PCDH9: variants seen among roughly 807,000 people sequenced by gnomAD.
The protein encoded by PCDH9 is protocadherin 9.
In PCDH9, 24 loss-of-function variants were observed where a neutral mutation model predicts 70.6. That is an observed-to-expected ratio of 0.34 (90% CI 0.25 to 0.48). The LOEUF (loss-of-function observed/expected upper bound fraction) is 0.48. PCDH9 is among the 20% of genes least tolerant of loss of function. The probability of loss-of-function intolerance (pLI) is 0.99; values close to 1 mark genes in which losing one functional copy is unlikely to be tolerated. For synonymous variants in PCDH9, 562 were observed against 558.5 expected, an observed-to-expected ratio of 1.01 and a Z score of -0.09; for missense variants, 1,281 against 1,503.6, an observed-to-expected ratio of 0.85 and a Z score of 2.45.
At chr13:66,458,531 C>T (rs1022461966) in intron 4 of PCDH9, among the ~76,000 whole-genome samples, 3 of 151,990 alleles carry the variant, frequency 2.0e-5, no homozygotes, top group Non-Finnish European at 4.4e-5. Flanking sequence ...CTGCTTTCTT[C>T]ACTTTCCTAC....
At chr13:66,982,559 C>CAA (rs2083796599) in intron 2 of PCDH9, among the ~76,000 whole-genome samples, 1 of 151,926 alleles carries the variant, frequency 6.6e-6, no homozygotes, top group Middle Eastern at 3.2e-3. Flanking sequence ...GTCTTCAAGC[C>CAA]CTACCTACCC....
At chr13:66,809,337 T>C (rs1002033297) in intron 3 of PCDH9, among the ~76,000 whole-genome samples, 5 of 152,222 alleles carry the variant, frequency 3.3e-5, no homozygotes, top group African/African-American at 1.2e-4. Flanking sequence ...TTACCTTTTA[T>C]AGAAAATTTT....
At chr13:66,459,086 G>A (rs866798648) in intron 4 of PCDH9, among the ~76,000 whole-genome samples, 11 of 151,922 alleles carry the variant, frequency 7.2e-5, no homozygotes, top group African/African-American at 1.9e-4. Flanking sequence ...AAATAAGAAC[G>A]TGTTCCACTG....
chr13:66,877,185 C>T (rs1385919528), intron 3 of PCDH9, among the ~76,000 whole-genome samples: 2 of 151,812 alleles, frequency 1.3e-5, no homozygotes, highest in Non-Finnish European at 2.9e-5. Context: ...TAATACTAGA[C>T]ATGGTCTTCA....
At chr13:66,757,636 A>C (rs1381328522) in intron 3 of PCDH9, among the ~76,000 whole-genome samples, 1 of 152,130 alleles carries the variant, frequency 6.6e-6, no homozygotes, top group Non-Finnish European at 1.5e-5. Flanking sequence ...ATAGAGCCAA[A>C]CATATATAAA....
intron 3 of PCDH9, among the ~76,000 whole-genome samples, chr13:66,718,217 A>G (rs2078896357): frequency 2.0e-5 from 3 of 152,182 alleles, no homozygotes; most frequent in Admixed American, 6.5e-5. Flanking sequence ...GTTAGAATTC[A>G]TATTTGCTAA....
At chr13:66,759,048 T>G (rs1046530918) in intron 3 of PCDH9, among the ~76,000 whole-genome samples, 1 of 152,048 alleles carries the variant, frequency 6.6e-6, no homozygotes, top group African/African-American at 2.4e-5. Flanking sequence ...GTCAATTTAG[T>G]TGACCTCCTC....
intron 2 of PCDH9, among the ~76,000 whole-genome samples, chr13:66,988,485 G>A (rs963957305): frequency 6.6e-6 from 1 of 151,934 alleles, no homozygotes; most frequent in Non-Finnish European, 1.5e-5. Context: ...AGTTGGACAA[G>A]GTGTTACATT....
At chr13:66,679,415 G>A (rs73497774) in intron 3 of PCDH9, among the ~76,000 whole-genome samples, 3,458 of 151,858 alleles carry the variant, frequency 0.023, 157 homozygotes, top group African/African-American at 0.08. Context: ...TTGTAATAGT[G>A]CACACACCCA....
intron 1 of PCDH9, among the ~76,000 whole-genome samples, chr13:67,229,384 A>G (rs540760406): frequency 1.3e-5 from 2 of 152,348 alleles, no homozygotes; most frequent in South Asian, 4.1e-4. Context: ...AATATTTTCT[A>G]CTGAACATAA....
At chr13:67,224,150 A>ATGT (rs904581629) in intron 2 of PCDH9, 15 of 152,348 alleles carry the variant, frequency 9.8e-5, no homozygotes, top group Admixed American at 9.1e-4. Context: ...TCTAAAATCT[A>ATGT]TGTGTTCCTT....
intron 2 of PCDH9, among the ~76,000 whole-genome samples, chr13:67,064,869 T>C (rs2085611039): frequency 6.6e-6 from 1 of 151,600 alleles, no homozygotes; most frequent in African/African-American, 2.4e-5. Context: ...TCTGTGTATG[T>C]GTGTGTATCT....
chr13:67,088,099 A>AT (rs34343096), intron 2 of PCDH9, among the ~76,000 whole-genome samples: 15,002 of 146,560 alleles, frequency 0.1, 787 homozygotes, highest in Non-Finnish European at 0.12. Flanking sequence ...TATTTCATAG[A>AT]TTTTTTTTTT....
In PCDH9 at chr13:66,748,695, G is replaced by A. The variant is rs192658867; in HGVS notation, c.3139-117284C>T. On this transcript the variant is annotated intron_variant, in intron 3 of 4. Transcript: ENST00000377865. ...TTGTGCAATTATTTGTGAAATCCTG[G>A]GCCTCTGTTTATAATCATCGTTATC... Among the ~76,000 whole-genome samples the A allele has an allele frequency of 7.2e-5, 11 of 152,218 alleles. No individual in the cohort carries two copies. In the East Asian group the frequency reaches 1.9e-3, roughly 27 times the overall value.
intron 2 of PCDH9, among the ~76,000 whole-genome samples, chr13:67,041,366 A>G (rs2085109885): frequency 6.6e-6 from 1 of 152,202 alleles, no homozygotes. Context: ...ATAAGGAGAA[A>G]CCATAAGTAA....
At chr13:66,408,766 C>G (rs1197444577) in intron 4 of PCDH9, among the ~76,000 whole-genome samples, 1 of 151,864 alleles carries the variant, frequency 6.6e-6, no homozygotes, top group Non-Finnish European at 1.5e-5. Flanking sequence ...AAGTCACATA[C>G]ACGAAATCAC....
intron 3 of PCDH9, among the ~76,000 whole-genome samples, chr13:66,901,771 G>C (rs1478989463): frequency 6.6e-6 from 1 of 151,546 alleles, no homozygotes; most frequent in African/African-American, 2.4e-5. Flanking sequence ...TTTGAATTAT[G>C]TCTCATTTAT....
chr13:67,064,967 T>G (rs1334183686), intron 2 of PCDH9, among the ~76,000 whole-genome samples: 1 of 151,996 alleles, frequency 6.6e-6, no homozygotes, highest in Non-Finnish European at 1.5e-5. Flanking sequence ...AGACAGATAT[T>G]TATACATATA....
chr13:66,363,579 A>C (rs1450542930), intron 4 of PCDH9, among the ~76,000 whole-genome samples: 1 of 152,220 alleles, frequency 6.6e-6, no homozygotes, highest in African/African-American at 2.4e-5. Flanking sequence ...ATTATGTAGC[A>C]GACTATTACA....
Sources: gnomAD v4.1 joint callset for allele counts (sites outside exome capture counted in the v4.1 genomes callset) on GRCh38, gnomAD v4.1.1 for gene constraint, MANE v1.5 for transcripts, NCBI Gene and HGNC (gene_info 2026-07-23, HGNC 2026-07-21) for gene names.